ADGRB1: variants seen among roughly 807,000 people sequenced by gnomAD.
The protein encoded by ADGRB1 is brain-specific angiogenesis inhibitor 1.
In ADGRB1, 36 loss-of-function variants were observed where a neutral mutation model predicts 175.7. The ratio of observed to expected loss-of-function variants is 0.20; its 90% confidence interval spans 0.16 to 0.27. The LOEUF is 0.27. Ranked by LOEUF, ADGRB1 falls within the 10% of genes least tolerant of loss-of-function variation. The probability of loss-of-function intolerance (pLI) is 1.00; values close to 1 mark genes in which losing one functional copy is unlikely to be tolerated. For synonymous variants in ADGRB1, 1,054 were observed against 979.4 expected, an observed-to-expected ratio of 1.08 and a Z score of -1.42; for missense variants, 1,731 against 2,255.3, an observed-to-expected ratio of 0.77 and a Z score of 4.71.
chr8:142,524,904 C>G (rs903788530), intron 23 of ADGRB1, among the ~76,000 whole-genome samples: 12 of 152,152 alleles, frequency 7.9e-5, no homozygotes, highest in African/African-American at 2.6e-4. Context: ...GGTCACTGGC[C>G]TCTACTGGGT....
chr8:142,451,101 C>G (rs1226670582), intron 1 of ADGRB1, among the ~76,000 whole-genome samples: 3 of 152,158 alleles, frequency 2.0e-5, no homozygotes, highest in African/African-American at 4.8e-5. Context: ...GGAGCCCTCT[C>G]CCTAGGTCCC....
In ADGRB1 at chr8:142,542,795, G is replaced by C; in HGVS notation, c.4413+148G>C. 1.3e-6 allele frequency: 1 copy of C among 756,124 alleles called. No homozygotes were observed. The highest frequency in any genetic ancestry group is 2.0e-6 in the Non-Finnish European group (1 of 492,538). 46.8% of individuals were successfully genotyped at this position (756,124 alleles called of 1,614,324 possible). ...ACACCCCCCACCCCTGGCCCTGCTG[G>C]GTGTGCTGTGTATGTCTGACGTGTG... On this transcript the variant is annotated intron_variant, in intron 28 of 30. Transcript: ENST00000517894. This position sits in a 1 kb window ranked among gnomAD's most constrained non-coding sequence, Gnocchi z 6.3.
rs943350325 is a variant in ADGRB1 at position 142,449,936 on chromosome 8, G to A, written c.-388G>A. On this transcript the variant is annotated 5_prime_UTR_variant, in exon 1 of 31. Transcript: ENST00000517894. ...GCGTGCGCCGGCGGGTGCTCTCCAG[G>A]GGGCGTCCCGGCGAGGCCCAGAGCG... The A allele has an allele frequency of 1.3e-5, 2 of 148,730 alleles. No homozygotes were observed. The allele number at this position is 148,730 out of a possible 1,614,324, so 9.2% of individuals were successfully genotyped here.
Position 142,464,995 on chromosome 8 carries a change from C to T in ADGRB1, c.784+13C>T, listed in dbSNP as rs1397658737. 3 of 1,261,276 alleles carry T rather than the reference C, an allele frequency of 2.4e-6. No individual in the cohort carries two copies. The highest frequency in any genetic ancestry group is 3.0e-6 in the Non-Finnish European group (3 of 984,098). The allele number at this position is 1,261,276 out of a possible 1,614,324, so 78.1% of individuals were successfully genotyped here. A position where few individuals can be genotyped will look rare whatever the true frequency, so the allele number is the denominator to read the frequency against. ...CACGGCGCCACAGGTGAGTGACTGG[C>T]GGGGAAACCTTCGGACAGGGGAGGT... On this transcript the variant is annotated intron_variant, in intron 2 of 30. Transcript: ENST00000517894.
At chr8:142,463,438 G>A (rs1476979212) in intron 1 of ADGRB1, among the ~76,000 whole-genome samples, 2 of 152,252 alleles carry the variant, frequency 1.3e-5, no homozygotes, top group Admixed American at 6.5e-5. Flanking sequence ...GGGAGGCTGG[G>A]GAATGGCCCG....
chr8:142,509,253 C>T (rs906747871), intron 17 of ADGRB1, among the ~76,000 whole-genome samples: 4 of 152,306 alleles, frequency 2.6e-5, no homozygotes, highest in Admixed American at 6.5e-5. Context: ...GGCCCTGTGC[C>T]GCTCAGCGCT....
intron 1 of ADGRB1, among the ~76,000 whole-genome samples, chr8:142,463,518 A>G (rs1485775608): frequency 6.6e-6 from 1 of 152,178 alleles, no homozygotes; most frequent in Non-Finnish European, 1.5e-5. Flanking sequence ...CCTGGGAAGG[A>G]GGAAGGTTAG....
At chr8:142,528,249 T>C (rs1037832993) in intron 24 of ADGRB1, among the ~76,000 whole-genome samples, 1 of 152,194 alleles carries the variant, frequency 6.6e-6, no homozygotes, top group Non-Finnish European at 1.5e-5. Context: ...GCGGCCTCCC[T>C]CTGGGAATTT....
intron 1 of ADGRB1, among the ~76,000 whole-genome samples, chr8:142,454,811 C>G (rs1322247349): frequency 6.6e-6 from 1 of 152,070 alleles, no homozygotes; most frequent in Admixed American, 6.5e-5. Flanking sequence ...TAACTCATTT[C>G]TGTTAATTGA....
In ADGRB1 at chr8:142,484,012, G is replaced by C. The variant is rs540119847; in HGVS notation, c.2166G>C (p.Glu722Asp). 1.9e-6 allele frequency: 3 copies of C among 1,613,096 alleles called. No individual in the cohort carries two copies. Among genetic ancestry groups the C allele is most frequent in the Admixed American group, 1.7e-5 (1 of 59,844 alleles). Residue 722 changes from glutamate to aspartate, a missense_variant, in exon 12 of 31, where the codon GAG becomes GAC. This residue lies in a region of ADGRB1 where 388 missense variants were observed against 630.9 expected (regional missense o/e 0.61). Coordinates refer to ENST00000517894, the MANE Select transcript of ADGRB1 (RefSeq NM_001702.3). ...AGATCCTTAGCAACCTGTTGGCAGA[G>C]GAGAATCGGGACAAGTGGGAGGAGG... Reference protein sequence around the residue: ...FVQILSNLLAEENRDKWEEAQ... With the variant: ...FVQILSNLLADENRDKWEEAQ...
intron 3 of ADGRB1, among the ~76,000 whole-genome samples, chr8:142,475,861 G>A (rs576081913): frequency 1.7e-5 from 2 of 119,598 alleles, no homozygotes; most frequent in South Asian, 5.2e-4. Context: ...GAGTGAATAG[G>A]GTGGGTCTGG....
chr8:142,522,326 G>A lies in ADGRB1; in HGVS notation c.3175+211G>A, dbSNP rs376623649. Among the ~76,000 whole-genome samples, 10 of 152,236 alleles carry A rather than the reference G, an allele frequency of 6.6e-5. No homozygotes were observed. The South Asian group carries it at 8.3e-4, about 13-fold the overall frequency. On this transcript the variant is annotated intron_variant, in intron 21 of 30. Transcript: ENST00000517894. ...CAGTTCTCTTTCATGTCTAGATAAC[G>A]AAAACGTTTCTAGCACAAGTATGTC...
chr8:142,498,255 C>G (rs1246139111), intron 17 of ADGRB1, among the ~76,000 whole-genome samples: 2 of 152,204 alleles, frequency 1.3e-5, no homozygotes, highest in East Asian at 3.9e-4. Context: ...AGAGCAGAAG[C>G]CCCCGAGGGC....
Position 142,542,123 on chromosome 8 carries a change from G to A in ADGRB1, c.3889G>A (p.Gly1297Arg), listed in dbSNP as rs200543937. The A allele has an allele frequency of 1.7e-5, 27 of 1,613,370 alleles. No individual in the cohort carries two copies. The highest frequency in any genetic ancestry group is 2.2e-5 in the Non-Finnish European group (26 of 1,179,818). ...GCACGGCTCACCCCGCTATCCCGGC[G>A]GGCCCCTGCCCGACTTCCCCAACCA... ...HLHGSPRYPGGPLPDFPNHSL... is the reference protein window; with the variant it reads ...HLHGSPRYPGRPLPDFPNHSL... The change falls in exon 28 of 31, where the codon GGG becomes AGG. Residue 1297 changes from glycine (G) to arginine (R), a missense_variant. Transcript: ENST00000517894. This position sits in a 1 kb window ranked among gnomAD's most constrained non-coding sequence, Gnocchi z 6.3.
intron 1 of ADGRB1, among the ~76,000 whole-genome samples, chr8:142,456,761 G>A (rs948845862): frequency 3.9e-5 from 6 of 152,238 alleles, no homozygotes; most frequent in Admixed American, 2.0e-4. Context: ...CGGCCTGCCC[G>A]CCGTGGTGGG....
chr8:142,457,233 C>T (rs1421083246), intron 1 of ADGRB1, among the ~76,000 whole-genome samples: 1 of 152,178 alleles, frequency 6.6e-6, no homozygotes, highest in East Asian at 1.9e-4. Flanking sequence ...AGGAGCCGGT[C>T]GGTCCCTCTG....
chr8:142,507,799 G>T (rs1271406819), intron 17 of ADGRB1, among the ~76,000 whole-genome samples: 4 of 152,198 alleles, frequency 2.6e-5, no homozygotes, highest in African/African-American at 9.6e-5. Context: ...TGGCCCTTGA[G>T]AAGCAGAGCT....
At chr8:142,487,292 C>T (rs923036424) in intron 13 of ADGRB1, among the ~76,000 whole-genome samples, 2 of 152,134 alleles carry the variant, frequency 1.3e-5, no homozygotes, top group Non-Finnish European at 2.9e-5. Flanking sequence ...CCCCATTCCC[C>T]GCTGCAGCTT....
intron 1 of ADGRB1, among the ~76,000 whole-genome samples, chr8:142,458,561 G>A (rs559509069): frequency 1.8e-4 from 27 of 152,214 alleles, no homozygotes; most frequent in African/African-American, 4.6e-4. Context: ...TCTGCTTCCC[G>A]GCCCAGCGTG....
Sources: gnomAD v4.1 joint callset for allele counts (sites outside exome capture counted in the v4.1 genomes callset) on GRCh38, gnomAD v4.1.1 for gene constraint, gnomAD v4.1.1 regional missense constraint, Gnocchi (gnomAD v3.1) non-coding constraint, MANE v1.5 for transcripts, NCBI Gene and HGNC (gene_info 2026-07-23, HGNC 2026-07-21) for gene names.